The following SLC4A10 variants were observed in gnomAD, a reference collection of about 807,000 sequenced individuals.
SLC4A10 encodes sodium-driven chloride bicarbonate exchanger.
Under a neutral mutation model 137.7 loss-of-function variants are expected in SLC4A10, and 42 were observed. That is an observed-to-expected ratio of 0.30 (90% confidence interval 0.24 to 0.39). The LOEUF is 0.39. Ranked by LOEUF, SLC4A10 falls within the 10% of genes least tolerant of loss-of-function variation. The pLI is 1.00. For missense variants in SLC4A10, 925 were observed against 1,355.0 expected, an observed-to-expected ratio of 0.68 and a Z score of 4.98; for synonymous variants, 474 against 464.1, an observed-to-expected ratio of 1.02 and a Z score of -0.27.
intron 1 of SLC4A10, among the ~76,000 whole-genome samples, chr2:161,732,372 G>A (rs537515989): frequency 1.3e-5 from 2 of 152,260 alleles, no homozygotes; most frequent in African/African-American, 2.4e-5. Context: ...CCCCATTTTG[G>A]AGAGTCCAAG....
intron 1 of SLC4A10, among the ~76,000 whole-genome samples, chr2:161,640,935 A>T (rs2035230685): frequency 6.6e-6 from 1 of 152,122 alleles, no homozygotes; most frequent in Non-Finnish European, 1.5e-5. Flanking sequence ...ACAAGGTATT[A>T]CTGAAATGCT....
chr2:161,717,773 C>A (rs770863047), intron 1 of SLC4A10, among the ~76,000 whole-genome samples: 19 of 151,990 alleles, frequency 1.3e-4, no homozygotes, highest in Non-Finnish European at 2.8e-4. Flanking sequence ...TATATCTCTC[C>A]CAGGTTTTGG....
chr2:161,728,826 G>A (rs962815533), intron 1 of SLC4A10, among the ~76,000 whole-genome samples: 11 of 152,076 alleles, frequency 7.2e-5, no homozygotes, highest in African/African-American at 2.7e-4. Context: ...AGCAAATTAA[G>A]TCCACAAATC....
chr2:161,888,841 G>T (rs1279614932), intron 10 of SLC4A10, among the ~76,000 whole-genome samples: 3 of 152,178 alleles, frequency 2.0e-5, no homozygotes, highest in Non-Finnish European at 2.9e-5. Context: ...AGTGGTGAGA[G>T]AGGGCATCCT....
intron 1 of SLC4A10, among the ~76,000 whole-genome samples, chr2:161,721,063 A>G (rs2045606114): frequency 6.6e-6 from 1 of 152,166 alleles, no homozygotes; most frequent in South Asian, 2.1e-4. Context: ...TCCTGTCCTC[A>G]GGTGATCCAC....
At chr2:161,946,852 A>G (rs995356582) in intron 16 of SLC4A10, among the ~76,000 whole-genome samples, 4 of 152,034 alleles carry the variant, frequency 2.6e-5, no homozygotes, top group African/African-American at 9.7e-5. Flanking sequence ...TAGTAATTTT[A>G]TTTCATTTGT....
At chr2:161,819,876 G>A (rs187505752) in intron 3 of SLC4A10, among the ~76,000 whole-genome samples, 5 of 152,180 alleles carry the variant, frequency 3.3e-5, no homozygotes, top group African/African-American at 1.2e-4. Context: ...TGGATGAGCT[G>A]CTTTAAATTG....
At chr2:161,928,357 C>T (rs1341814490) in intron 15 of SLC4A10, among the ~76,000 whole-genome samples, 1 of 114,086 alleles carries the variant, frequency 8.8e-6, no homozygotes, top group African/African-American at 3.5e-5. Context: ...GAACATCACA[C>T]TCTGGGGACT....
At chr2:161,976,600 A>T (rs1193763925) in intron 24 of SLC4A10, among the ~76,000 whole-genome samples, 160 bp from the exon 25 acceptor site, 1 of 152,234 alleles carries the variant, frequency 6.6e-6, no homozygotes, top group Non-Finnish European at 1.5e-5. Context: ...AAAATAGTTA[A>T]GGTAGTAAAT....
intron 1 of SLC4A10, among the ~76,000 whole-genome samples, chr2:161,752,254 T>G (rs1241327447): frequency 6.6e-6 from 1 of 152,002 alleles, no homozygotes; most frequent in Non-Finnish European, 1.5e-5. Context: ...CCTATTTTAC[T>G]TTATTTATTA....
chr2:161,904,479 A>G (rs1683867848), intron 13 of SLC4A10, among the ~76,000 whole-genome samples: 3 of 152,138 alleles, frequency 2.0e-5, no homozygotes, highest in Admixed American at 6.5e-5. Flanking sequence ...TCCATTTGCT[A>G]TGTACCCGGG....
chr2:161,856,329 A>C (rs2060093415), intron 5 of SLC4A10, among the ~76,000 whole-genome samples: 1 of 150,488 alleles, frequency 6.6e-6, no homozygotes, highest in African/African-American at 2.4e-5. Context: ...TTGGCTTGAA[A>C]TATTAAGCAA....
intron 15 of SLC4A10, among the ~76,000 whole-genome samples, chr2:161,912,134 C>T (rs2105413773): frequency 6.6e-6 from 1 of 152,166 alleles, no homozygotes; most frequent in South Asian, 2.1e-4. Context: ...CTACAGAGAG[C>T]TAAGGGATTG....
chr2:161,707,357 T>C (rs539152580), intron 1 of SLC4A10, among the ~76,000 whole-genome samples: 2 of 151,442 alleles, frequency 1.3e-5, no homozygotes, highest in Non-Finnish European at 3.0e-5. Context: ...AAAGTGTTCA[T>C]AGAGTCGTGA....
intron 15 of SLC4A10, among the ~76,000 whole-genome samples, chr2:161,940,027 T>C (rs1692384067): frequency 3.9e-5 from 6 of 152,140 alleles, no homozygotes; most frequent in Admixed American, 3.3e-4. Context: ...GAAACAACCA[T>C]ACTGGTAAAA....
chr2:161,640,657 C>CTTCCTTCT (rs1553470354), intron 1 of SLC4A10, among the ~76,000 whole-genome samples: 3,583 of 61,850 alleles, frequency 0.058, 108 homozygotes, highest in East Asian at 0.08. Context: ...TCCTTCCTTC[C>CTTCCTTCT]TTCTTTCTTT....
At chr2:161,706,608 G>A (rs182334240) in intron 1 of SLC4A10, among the ~76,000 whole-genome samples, 7 of 151,560 alleles carry the variant, frequency 4.6e-5, no homozygotes, top group East Asian at 3.9e-4. Context: ...TAGAGTAGCC[G>A]GGATATTTTA....
At chr2:161,919,916 G>A (rs1445473133) in intron 15 of SLC4A10, among the ~76,000 whole-genome samples, 2 of 152,180 alleles carry the variant, frequency 1.3e-5, no homozygotes. Context: ...GCAGTTCCTG[G>A]TGTCTCCAAG....
At chr2:161,700,069 G>A (rs2042968662) in intron 1 of SLC4A10, among the ~76,000 whole-genome samples, 1 of 152,098 alleles carries the variant, frequency 6.6e-6, no homozygotes, top group Admixed American at 6.6e-5. Flanking sequence ...GTAATAGCAT[G>A]AACAAAACTT....
Sources: allele counts gnomAD v4.1 joint callset (sites outside exome capture counted in the v4.1 genomes callset), GRCh38; gene constraint gnomAD v4.1.1; transcripts MANE v1.5; gene names NCBI Gene and HGNC (gene_info 2026-07-23, HGNC 2026-07-21).